Variants in BBS9 observed in about 807,000 individuals in gnomAD.
BBS9 encodes the protein Bardet-Biedl syndrome 9.
In BBS9, 89 loss-of-function variants were observed where a neutral mutation model predicts 117.7. The observed-to-expected ratio is 0.76, with a 90% CI of 0.64 to 0.90. The LOEUF (loss-of-function observed/expected upper bound fraction) is 0.90, where lower values mean the gene tolerates loss of function less well. Among genes scored for constraint, BBS9 ranks in the 40% least tolerant of loss-of-function variants. The pLI is 0.00. For synonymous variants in BBS9, 379 were observed against 370.9 expected (o/e 1.02, Z -0.25); for missense variants, 982 against 1,042.2 (o/e 0.94, Z 0.80).
intron 20 of BBS9, among the ~76,000 whole-genome samples, chr7:33,532,325 T>C (rs1466351787): frequency 6.6e-6 from 1 of 152,214 alleles, no homozygotes; most frequent in Admixed American, 6.5e-5. Context: ...GTTCCTTAAA[T>C]GCCAGTCTGA....
chr7:33,532,310 A>C (rs1452337960), intron 20 of BBS9, among the ~76,000 whole-genome samples: 1 of 152,264 alleles, frequency 6.6e-6, no homozygotes. Context: ...GAGCTGGAGC[A>C]GAAAGTTCCT....
intron 9 of BBS9, among the ~76,000 whole-genome samples, chr7:33,290,528 T>C (rs773259610): frequency 1.1e-4 from 16 of 152,158 alleles, no homozygotes; most frequent in Non-Finnish European, 2.4e-4. Context: ...ACGACATCAC[T>C]GCAACTACTG....
chr7:33,338,956 A>G (rs968384679), intron 10 of BBS9, among the ~76,000 whole-genome samples: 15 of 152,208 alleles, frequency 9.9e-5, no homozygotes, highest in Non-Finnish European at 2.2e-4. Flanking sequence ...GATATAAATG[A>G]AAGTCTGCAC....
chr7:33,500,621 C>T (rs937811229), intron 19 of BBS9, among the ~76,000 whole-genome samples: 1 of 152,202 alleles, frequency 6.6e-6, no homozygotes, highest in Non-Finnish European at 1.5e-5. Flanking sequence ...CAGGAAATGA[C>T]AGCTAAACAG....
At chr7:33,367,091 C>G (rs1366195130) in intron 16 of BBS9, among the ~76,000 whole-genome samples, 1 of 152,094 alleles carries the variant, frequency 6.6e-6, no homozygotes, top group Non-Finnish European at 1.5e-5. Flanking sequence ...TTCACACTTT[C>G]TTCATTTTTT....
chr7:33,633,675 TA>T (rs1472273844), intron 21 of BBS9, among the ~76,000 whole-genome samples: 3 of 152,152 alleles, frequency 2.0e-5, no homozygotes, highest in Non-Finnish European at 2.9e-5. Flanking sequence ...TATAAACTAT[TA>T]AAGGCATACT....
At chr7:33,527,057 C>T (rs1044905122) in intron 20 of BBS9, among the ~76,000 whole-genome samples, 1 of 151,668 alleles carries the variant, frequency 6.6e-6, no homozygotes, top group African/African-American at 2.4e-5. Flanking sequence ...AGTTAGGCTG[C>T]TCGGGGGTCA....
chr7:33,226,183 T>A (rs895115113), intron 5 of BBS9, among the ~76,000 whole-genome samples: 1 of 152,236 alleles, frequency 6.6e-6, no homozygotes, highest in Admixed American at 6.5e-5. Context: ...TTCCCCTTGA[T>A]AATTTGTGAC....
chr7:33,151,201 G>A (rs1412303361), intron 2 of BBS9, among the ~76,000 whole-genome samples: 1 of 152,036 alleles, frequency 6.6e-6, no homozygotes, highest in East Asian at 1.9e-4. Context: ...GCAACAAGCT[G>A]TGATTGCATC....
At chr7:33,447,099 G>A (rs1837105584) in intron 19 of BBS9, among the ~76,000 whole-genome samples, 1 of 152,224 alleles carries the variant, frequency 6.6e-6, no homozygotes. Flanking sequence ...GTATTTTTAG[G>A]ATTGTGTTTC....
intron 9 of BBS9, among the ~76,000 whole-genome samples, chr7:33,333,405 G>A (rs1242863181): frequency 6.6e-6 from 1 of 152,106 alleles, no homozygotes; most frequent in Non-Finnish European, 1.5e-5. Flanking sequence ...TTATGGCTGA[G>A]TTGTGTTCCA....
At chr7:33,314,296 C>T (rs1809982395) in intron 9 of BBS9, 1 of 425,726 alleles carries the variant, frequency 2.3e-6, no homozygotes, top group South Asian at 1.8e-5. Context: ...CTCGATCTTC[C>T]ACTTTAGAAA....
intron 20 of BBS9, among the ~76,000 whole-genome samples, chr7:33,519,083 A>G (rs1201456923): frequency 6.6e-6 from 1 of 152,156 alleles, no homozygotes; most frequent in Non-Finnish European, 1.5e-5. Flanking sequence ...AATTAAAGAG[A>G]GGAGAGAAAA....
intron 19 of BBS9, among the ~76,000 whole-genome samples, chr7:33,406,209 G>A: frequency 6.6e-6 from 1 of 152,156 alleles, no homozygotes; most frequent in Non-Finnish European, 1.5e-5. Flanking sequence ...CTGAGAGACA[G>A]TTTGTTATAA....
intron 5 of BBS9, among the ~76,000 whole-genome samples, chr7:33,204,431 G>A (rs1368833493): frequency 1.3e-5 from 2 of 148,336 alleles, no homozygotes; most frequent in Non-Finnish European, 3.0e-5. Context: ...AGTTATTTTA[G>A]TGAAGGGATC....
At chr7:33,490,037 G>T (rs1178890804) in intron 19 of BBS9, among the ~76,000 whole-genome samples, 26 of 152,144 alleles carry the variant, frequency 1.7e-4, no homozygotes, top group Admixed American at 1.7e-3. Flanking sequence ...TTCTATTAGA[G>T]GATTCCAATT....
intron 19 of BBS9, among the ~76,000 whole-genome samples, chr7:33,421,479 A>G (rs892025038): frequency 7.2e-5 from 11 of 152,196 alleles, no homozygotes; most frequent in Non-Finnish European, 1.3e-4. Context: ...TTAATTATTC[A>G]TAGAAATGTA....
chr7:33,614,429 T>G (rs1455739149), intron 21 of BBS9, among the ~76,000 whole-genome samples: 1 of 151,956 alleles, frequency 6.6e-6, no homozygotes, highest in Non-Finnish European at 1.5e-5. Context: ...ACTTATTTGG[T>G]CCCAGATATA....
At chr7:33,478,717 T>C (rs1434465209) in intron 19 of BBS9, among the ~76,000 whole-genome samples, 1 of 152,182 alleles carries the variant, frequency 6.6e-6, no homozygotes, top group Non-Finnish European at 1.5e-5. Flanking sequence ...TGTTTTTCTT[T>C]TTATTTCACA....
Sources: gnomAD v4.1 joint callset for allele counts (sites outside exome capture counted in the v4.1 genomes callset) on GRCh38, gnomAD v4.1.1 for gene constraint, MANE v1.5 for transcripts, NCBI Gene and HGNC (gene_info 2026-07-23, HGNC 2026-07-21) for gene names.